Variants in EIF3H observed in about 807,000 individuals in gnomAD.
EIF3H encodes eukaryotic translation initiation factor 3 subunit H, also known as eIF-3-gamma.
EIF3H carries 26 observed loss-of-function variants against 44.2 expected under a neutral mutation model. The observed-to-expected ratio is 0.59, with a 90% CI of 0.43 to 0.82. The LOEUF (loss-of-function observed/expected upper bound fraction) is 0.82. Among genes scored for constraint, EIF3H ranks in the 40% least tolerant of loss-of-function variants. The probability of loss-of-function intolerance (pLI) is 0.00; values close to 1 mark genes in which losing one functional copy is unlikely to be tolerated. For synonymous variants in EIF3H, 166 were observed against 151.9 expected (o/e 1.09, Z -0.68); for missense variants, 359 against 432.8 (o/e 0.83, Z 1.51).
chr8:116,652,410 T>C (rs1813409228), intron 5 of EIF3H, among the ~76,000 whole-genome samples: 1 of 152,204 alleles, frequency 6.6e-6, no homozygotes, highest in Non-Finnish European at 1.5e-5. Flanking sequence ...TAGAAAAATT[T>C]AGCAGAAGAC....
chr8:116,753,174 T>C (rs1815387302), intron 1 of EIF3H, among the ~76,000 whole-genome samples: 1 of 152,144 alleles, frequency 6.6e-6, no homozygotes, highest in Non-Finnish European at 1.5e-5. Flanking sequence ...TAAAACCATA[T>C]AAATGACAGA....
rs1813260321 is a variant in EIF3H at position 116,643,968 on chromosome 8, AATTCCTC to A, written c.*1031_*1037del. On this transcript the variant is annotated 3_prime_UTR_variant, in exon 8 of 8. Coordinates refer to ENST00000521861, the MANE Select transcript of EIF3H (RefSeq NM_003756.3). ...ATGTACTACCATTCTCCTAATTCCT[AATTCCTC>A]ATTCACAACACTTGCTGTTAGCAGA... 6.6e-6 allele frequency: 1 copy of A among 152,142 alleles called. No individual in the cohort carries two copies. The highest frequency in any genetic ancestry group is 1.5e-5 in the Non-Finnish European group (1 of 68,038). The allele number at this position is 152,142 out of a possible 1,614,324, so 9.4% of individuals were successfully genotyped here.
chr8:116,746,448 C>T (rs1173288113), intron 1 of EIF3H, among the ~76,000 whole-genome samples: 1 of 152,182 alleles, frequency 6.6e-6, no homozygotes, highest in African/African-American at 2.4e-5. Flanking sequence ...ATACACAATA[C>T]TTAAAACAGT....
At chr8:116,705,145 G>A (rs1369067134) in intron 2 of EIF3H, among the ~76,000 whole-genome samples, 1 of 152,134 alleles carries the variant, frequency 6.6e-6, no homozygotes, top group Non-Finnish European at 1.5e-5. Context: ...GCACCCATAT[G>A]AATTTAGATA....
chr8:116,723,429 T>TA (rs34600044), intron 2 of EIF3H, among the ~76,000 whole-genome samples: 2,232 of 151,328 alleles, frequency 0.015, 24 homozygotes, highest in South Asian at 0.052. Flanking sequence ...ATAGCCAGGT[T>TA]AAAAAAAAAA....
At position 116,702,442 on chromosome 8, in the gene EIF3H, G is replaced by A. The variant is rs71530837; in HGVS notation, c.289+23574C>T. Among the ~76,000 whole-genome samples the A allele has an allele frequency of 7.2e-3, 1,096 of 152,216 alleles. 7 individuals are homozygous for A. Among genetic ancestry groups the A allele is most frequent in the Non-Finnish European group, 0.011 (729 of 68,010 alleles). ...ATACCAGTCATTTAGCCATAACCAC[G>A]TACTGCCTTGTGATAAGTTTGTCCT... On this transcript the variant is annotated intron_variant, in intron 2 of 7. Coordinates refer to ENST00000521861, the MANE Select transcript of EIF3H (RefSeq NM_003756.3).
intron 2 of EIF3H, among the ~76,000 whole-genome samples, chr8:116,699,010 G>A (rs1293515112): frequency 2.6e-5 from 4 of 152,086 alleles, no homozygotes; most frequent in East Asian, 3.9e-4. Flanking sequence ...TTAGCTGGGC[G>A]TAGTGGCATG....
intron 2 of EIF3H, among the ~76,000 whole-genome samples, chr8:116,684,652 C>T (rs535412431): frequency 1.3e-5 from 2 of 151,930 alleles, no homozygotes; most frequent in Non-Finnish European, 2.9e-5. Context: ...GAAATCTTTT[C>T]CAGACTCAGA....
chr8:116,643,945 G>A lies in EIF3H; in HGVS notation c.*1061C>T, dbSNP rs1427557868. On this transcript the variant is annotated 3_prime_UTR_variant, in exon 8 of 8. Transcript: ENST00000521861. ...ATTACTAAAATATGTTTTTCCCAATGTACTACCATTCTCCTAATTCCTAAT... is the reference window on the plus strand; with the variant it reads ...ATTACTAAAATATGTTTTTCCCAATATACTACCATTCTCCTAATTCCTAAT... 6.6e-6 allele frequency: 1 copy of A among 152,116 alleles called. No homozygotes were observed. The highest frequency in any genetic ancestry group is 1.5e-5 in the Non-Finnish European group (1 of 68,024). 9.4% of individuals were successfully genotyped at this position (152,116 alleles called of 1,614,324 possible).
At chr8:116,761,717 G>A (rs1001189414) in intron 1 of EIF3H, among the ~76,000 whole-genome samples, 2 of 152,154 alleles carry the variant, frequency 1.3e-5, no homozygotes, top group East Asian at 1.9e-4. Context: ...TTACTGTCTA[G>A]TTTAGAAATA....
intron 1 of EIF3H, among the ~76,000 whole-genome samples, chr8:116,735,498 G>A (rs953518376): frequency 6.6e-5 from 10 of 152,200 alleles, no homozygotes; most frequent in Admixed American, 3.3e-4. Context: ...GCTAAAAACC[G>A]GAATCAACCC....
chr8:116,684,234 T>TG (rs1369530964), intron 2 of EIF3H, among the ~76,000 whole-genome samples: 2 of 152,190 alleles, frequency 1.3e-5, no homozygotes, highest in Non-Finnish European at 2.9e-5. Flanking sequence ...AGGGCCAAGA[T>TG]GAAACTGGGC....
In EIF3H at chr8:116,729,452, A is replaced by G. The variant is rs139381618; in HGVS notation, c.133-3280T>C. On this transcript the variant is annotated intron_variant, in intron 1 of 7. Coordinates refer to ENST00000521861, the MANE Select transcript of EIF3H (RefSeq NM_003756.3). ...GAATTCTAAAGGGATCAGTAAGGAT[A>G]ATGTAACCAAACAGCACACCAGGCT... Among the ~76,000 whole-genome samples the G allele has an allele frequency of 2.8e-3, 419 of 152,350 alleles. 3 individuals are homozygous for G. Among genetic ancestry groups the G allele is most frequent in the Middle Eastern group, 6.8e-3 (2 of 294 alleles).
chr8:116,664,838 A>C (rs959867469), intron 2 of EIF3H, among the ~76,000 whole-genome samples: 2 of 152,240 alleles, frequency 1.3e-5, no homozygotes, highest in Admixed American at 6.5e-5. Context: ...ATAAATCCAA[A>C]TTATTTAAAA....
rs1171278997 is a variant in EIF3H, at chr8:116,755,694, G to A, written c.104C>T (p.Ala35Val). 5 of 1,614,134 alleles carry A rather than the reference G, an allele frequency of 3.1e-6. No homozygotes were observed. The highest frequency in any genetic ancestry group is 4.2e-6 in the Non-Finnish European group (5 of 1,180,018). Reference sequence around the variant, plus strand: ...GCCATCTATCTGCACTTGCTTCACGGCTGAATCTCCCGAGCCGCCTTTGCC... The same window carrying A: ...GCCATCTATCTGCACTTGCTTCACGACTGAATCTCCCGAGCCGCCTTTGCC... ...GKGKGGSGDS[A>V]VKQVQIDGLV... The change falls in exon 1 of 8, where the codon GCC (alanine) becomes GTC (valine). Residue 35 changes from alanine (A) to valine (V), a missense_variant. Transcript: ENST00000521861.
chr8:116,648,992 C>T (rs1813348889), intron 5 of EIF3H, 66 bp from the exon 6 acceptor site: 1 of 1,444,006 alleles, frequency 6.9e-7, no homozygotes, highest in South Asian at 1.3e-5. Context: ...CTGCTCTAAA[C>T]AGTTTTAAGA....
intron 1 of EIF3H, among the ~76,000 whole-genome samples, chr8:116,747,908 G>A (rs545914964): frequency 2.0e-5 from 3 of 152,194 alleles, no homozygotes; most frequent in South Asian, 2.1e-4. Context: ...CCAGGAGTTC[G>A]AGACCATCCT....
Position 116,738,031 on chromosome 8 carries a change from T to C in EIF3H, c.133-11859A>G, listed in dbSNP as rs143165001. On this transcript the variant is annotated intron_variant, in intron 1 of 7. Transcript: ENST00000521861. ...GCCTGGGCGACACAGCGAGGCTCCA[T>C]CTCAAAAAAAAAAAAAAAAAAAGAA... is the stretch of plus-strand genomic sequence containing the variant. 9.8e-3 allele frequency among the ~76,000 whole-genome samples: 1,244 copies of C among 127,146 alleles called. 18 individuals are homozygous for C. The highest frequency in any genetic ancestry group is 0.036 in the African/African-American group (1,188 of 32,590). The allele number at this position is 127,146 out of a possible 152,430, so 83.4% of individuals were successfully genotyped here. A position where few individuals can be genotyped will look rare whatever the true frequency, so the allele number is the denominator to read the frequency against.
chr8:116,717,004 G>A (rs1213777575), intron 2 of EIF3H, among the ~76,000 whole-genome samples: 1 of 152,076 alleles, frequency 6.6e-6, no homozygotes, highest in East Asian at 1.9e-4. Flanking sequence ...TAGTTTTAGA[G>A]AGCACAAAAC....
Sources: gnomAD v4.1 joint callset for allele counts (sites outside exome capture counted in the v4.1 genomes callset) on GRCh38, gnomAD v4.1.1 for gene constraint, MANE v1.5 for transcripts, NCBI Gene and HGNC (gene_info 2026-07-23, HGNC 2026-07-21) for gene names.